Variants in TMEM132B observed in about 807,000 individuals in gnomAD.
TMEM132B encodes transmembrane protein 132B.
A neutral mutation model predicts 90.8 loss-of-function variants in TMEM132B; 18 were observed. The observed-to-expected ratio is 0.20, with a 90% CI of 0.14 to 0.29. TMEM132B has a LOEUF of 0.29. Among genes scored for constraint, TMEM132B ranks in the 10% least tolerant of loss-of-function variants. The pLI is 1.00. For missense variants in TMEM132B, 1,096 were observed against 1,326.8 expected (o/e 0.83, Z 2.70); for synonymous variants, 504 against 523.3 (o/e 0.96, Z 0.50).
At chr12:125,231,887 C>A (rs574027133) in intron 1 of TMEM132B, among the ~76,000 whole-genome samples, 7 of 151,456 alleles carry the variant, frequency 4.6e-5, no homozygotes, top group African/African-American at 1.7e-4. Context: ...TTTTGTGTCC[C>A]CCCCCCACCA....
intron 3 of TMEM132B, among the ~76,000 whole-genome samples, chr12:125,428,564 C>T (rs544469760): frequency 1.3e-5 from 2 of 152,010 alleles, no homozygotes; most frequent in East Asian, 1.9e-4. Context: ...GAGTGGTTGC[C>T]TCTGCCCCCA....
At chr12:125,626,662 G>A (rs1193555492) in intron 5 of TMEM132B, among the ~76,000 whole-genome samples, 2 of 152,016 alleles carry the variant, frequency 1.3e-5, no homozygotes, top group Non-Finnish European at 2.9e-5. Context: ...GAAGTCTGCC[G>A]TAATTGTTAT....
chr12:125,366,341 G>A (rs1442026877), intron 2 of TMEM132B, among the ~76,000 whole-genome samples: 1 of 152,144 alleles, frequency 6.6e-6, no homozygotes, highest in Non-Finnish European at 1.5e-5. Context: ...GTAAACGCAG[G>A]AGTGCAGATA....
In TMEM132B at chr12:125,492,619, C is replaced by T. The variant is rs1882384741; in HGVS notation, c.1107-26820C>T. The stretch of plus-strand genomic sequence containing the variant: ...CTGGGTGAGGAGGCTACGGCAGCCT[C>T]GGGTCCCAGCAGGGCAGGCATGGGG... On this transcript the variant is annotated intron_variant, in intron 3 of 8. Transcript: ENST00000682704. This position sits in a 1 kb window ranked among gnomAD's most constrained non-coding sequence, Gnocchi z 5.8. 6.6e-6 allele frequency among the ~76,000 whole-genome samples: 1 copy of T among 152,178 alleles called. No homozygotes were observed. The highest frequency in any genetic ancestry group is 2.4e-5 in the African/African-American group (1 of 41,522).
chr12:125,644,195 A>G lies in TMEM132B; in HGVS notation c.1557A>G (p.Ala519=), dbSNP rs1486527647. 5 of 1,614,100 alleles carry G rather than the reference A, an allele frequency of 3.1e-6. No individual in the cohort carries two copies. Among genetic ancestry groups the G allele is most frequent in the Non-Finnish European group, 1.7e-6 (2 of 1,180,054 alleles). Residue 519 remains alanine, a synonymous_variant, in exon 6 of 9, where the codon GCA becomes GCG. Coordinates refer to ENST00000682704, the MANE Select transcript of TMEM132B (RefSeq NM_001366854.1). ...CCCAGTTCGAGGTCACTGTCTGGGC[A>G]CCCAGGCTCCCCCTGCAGATTGAGA... ...FTSQFEVTVW[A]PRLPLQIEIS...
At chr12:125,610,995 A>C (rs1385959812) in intron 5 of TMEM132B, among the ~76,000 whole-genome samples, 9 of 152,128 alleles carry the variant, frequency 5.9e-5, no homozygotes, top group Non-Finnish European at 8.8e-5. Flanking sequence ...GGAATTTACC[A>C]GTGAAGATAT....
intron 2 of TMEM132B, among the ~76,000 whole-genome samples, chr12:125,360,443 T>G (rs1392094327): frequency 6.6e-6 from 1 of 152,238 alleles, no homozygotes; most frequent in Non-Finnish European, 1.5e-5. Context: ...AAAACTTAAT[T>G]TTTTTCTTTA....
At chr12:125,622,279 G>C (rs1886129775) in intron 5 of TMEM132B, among the ~76,000 whole-genome samples, 1 of 152,202 alleles carries the variant, frequency 6.6e-6, no homozygotes, top group Non-Finnish European at 1.5e-5. Flanking sequence ...AGATATGTTA[G>C]ATGAGATTAC....
At position 125,417,752 on chromosome 12, in the gene TMEM132B, C is replaced by T. The variant is rs145143897; in HGVS notation, c.1106+2075C>T. ...AGGCAAGATGACTGCTAGCAGCTCC[C>T]AGCAAACATCTGCTAACTTGGTCAC... On this transcript the variant is annotated intron_variant, in intron 3 of 8. Transcript: ENST00000682704. Among the ~76,000 whole-genome samples the T allele has an allele frequency of 2.6e-4, 40 of 152,288 alleles. No individual in the cohort carries two copies. In the South Asian group the frequency reaches 2.7e-3, roughly 10 times the overall value.
intron 2 of TMEM132B, among the ~76,000 whole-genome samples, chr12:125,414,482 G>A (rs1879950507): frequency 6.6e-6 from 1 of 152,072 alleles, no homozygotes; most frequent in Non-Finnish European, 1.5e-5. Flanking sequence ...GGCTGCCTTT[G>A]ATATCCCTTT....
chr12:125,634,543 C>G (rs1886438232), intron 5 of TMEM132B, among the ~76,000 whole-genome samples: 2 of 152,172 alleles, frequency 1.3e-5, no homozygotes, highest in Non-Finnish European at 2.9e-5. Context: ...TCACCTGAAG[C>G]CAGCAAATCT....
Position 125,515,521 on chromosome 12 carries a change from C to G in TMEM132B, c.1107-3918C>G, listed in dbSNP as rs1243927861. On this transcript the variant is annotated intron_variant, in intron 3 of 8. Transcript: ENST00000682704. ...TACATTGACACATTCGCTCACACCC[C>G]TTCACACATTCTCACGCTCACACAC... Among the ~76,000 whole-genome samples, 3 of 151,068 alleles carry G rather than the reference C, an allele frequency of 2.0e-5. No homozygotes were observed. In the East Asian group the frequency reaches 6.0e-4, roughly 30 times the overall value.
chr12:125,508,429 A>G (rs77270644), intron 3 of TMEM132B, among the ~76,000 whole-genome samples: 2 of 152,298 alleles, frequency 1.3e-5, no homozygotes, highest in South Asian at 4.2e-4. Context: ...GGAAGACACC[A>G]GGTCTGGGAA....
At chr12:125,201,847 G>A (rs1873070476) in intron 1 of TMEM132B, among the ~76,000 whole-genome samples, 1 of 152,200 alleles carries the variant, frequency 6.6e-6, no homozygotes, top group South Asian at 2.1e-4. Context: ...GCCAGTCGGT[G>A]AGTTCAGTGA....
chr12:125,574,718 TGAA>T (rs1884892318), intron 4 of TMEM132B, among the ~76,000 whole-genome samples: 1 of 151,990 alleles, frequency 6.6e-6, no homozygotes, highest in African/African-American at 2.4e-5. Flanking sequence ...AAAAGGGTGT[TGAA>T]GATGCCCTGT....
intron 1 of TMEM132B, among the ~76,000 whole-genome samples, chr12:125,323,452 A>AAC (rs1876481975): frequency 6.6e-6 from 1 of 151,644 alleles, no homozygotes; most frequent in Admixed American, 6.6e-5. Context: ...CAAAAACAAA[A>AAC]ACAAACAAAA....
At chr12:125,424,670 C>A (rs1880263043) in intron 3 of TMEM132B, among the ~76,000 whole-genome samples, 1 of 152,216 alleles carries the variant, frequency 6.6e-6, no homozygotes, top group Non-Finnish European at 1.5e-5. Flanking sequence ...ATCCATCCAT[C>A]AGCCTGAGCC....
intron 1 of TMEM132B, among the ~76,000 whole-genome samples, chr12:125,305,604 A>T (rs1334858867): frequency 6.6e-6 from 1 of 152,206 alleles, no homozygotes; most frequent in Non-Finnish European, 1.5e-5. Context: ...TTGTATTAAC[A>T]TGTCATTGCG....
rs140617461 is a variant in TMEM132B, at chr12:125,582,553, G to A, written c.1294-1298G>A. 1.4e-3 allele frequency among the ~76,000 whole-genome samples: 208 copies of A among 152,282 alleles called. 2 individuals are homozygous for A. Among genetic ancestry groups the A allele is most frequent in the African/African-American group, 4.5e-3 (188 of 41,562 alleles). On this transcript the variant is annotated intron_variant, in intron 4 of 8. Coordinates refer to ENST00000682704, the MANE Select transcript of TMEM132B (RefSeq NM_001366854.1). ...TGGTGAACTCTCATTGCTGGGCTGTGTTGCCCAGGTGTCTACCATCTTCTC... is the reference window on the plus strand; with the variant it reads ...TGGTGAACTCTCATTGCTGGGCTGTATTGCCCAGGTGTCTACCATCTTCTC...
Sources: allele counts gnomAD v4.1 joint callset (sites outside exome capture counted in the v4.1 genomes callset), GRCh38; gene constraint gnomAD v4.1.1; non-coding constraint Gnocchi (gnomAD v3.1); transcripts MANE v1.5; gene names NCBI Gene and HGNC (gene_info 2026-07-23, HGNC 2026-07-21).